The following EXOC6B variants were observed in gnomAD, a reference collection of about 807,000 sequenced individuals.
The protein encoded by EXOC6B is exocyst complex component 6B, also known as SEC15 homolog B.
EXOC6B carries 54 observed loss-of-function variants against 113.5 expected under a neutral mutation model. That is an observed-to-expected ratio of 0.48 (90% CI 0.38 to 0.60). The LOEUF is 0.60. Among genes scored for constraint, EXOC6B ranks in the 20% least tolerant of loss-of-function variants. The pLI is 0.00. For missense variants in EXOC6B, 797 were observed against 977.5 expected (o/e 0.82, Z 2.46); for synonymous variants, 357 against 339.0 (o/e 1.05, Z -0.58).
chr2:72,492,772 A>C (rs975544316), intron 15 of EXOC6B, among the ~76,000 whole-genome samples: 1 of 151,868 alleles, frequency 6.6e-6, no homozygotes, highest in Non-Finnish European at 1.5e-5. Context: ...TTATACTATC[A>C]TGTAATTTTT....
intron 20 of EXOC6B, among the ~76,000 whole-genome samples, chr2:72,267,008 C>A (rs1022529018): frequency 5.3e-5 from 8 of 152,104 alleles, no homozygotes; most frequent in African/African-American, 1.9e-4. Flanking sequence ...ATTTTATTCT[C>A]CTTGAAGCAA....
At chr2:72,550,715 C>A (rs1703161245) in intron 8 of EXOC6B, among the ~76,000 whole-genome samples, 1 of 152,060 alleles carries the variant, frequency 6.6e-6, no homozygotes, top group African/African-American at 2.4e-5. Flanking sequence ...TTAGTTTCTA[C>A]ATAGCTTAGG....
intron 8 of EXOC6B, among the ~76,000 whole-genome samples, chr2:72,540,558 C>G (rs770347433): frequency 1.3e-4 from 20 of 152,088 alleles, no homozygotes; most frequent in Non-Finnish European, 2.5e-4. Flanking sequence ...CTTACATAAC[C>G]ACAGAATAAA....
At chr2:72,470,080 A>G (rs1427187076) in intron 17 of EXOC6B, among the ~76,000 whole-genome samples, 1 of 151,988 alleles carries the variant, frequency 6.6e-6, no homozygotes, top group Non-Finnish European at 1.5e-5. Context: ...TTAGTTCCCT[A>G]TGAATTTTAT....
At chr2:72,543,425 G>A (rs1254668533) in intron 8 of EXOC6B, among the ~76,000 whole-genome samples, 1 of 152,002 alleles carries the variant, frequency 6.6e-6, no homozygotes, top group Non-Finnish European at 1.5e-5. Flanking sequence ...CTATTTACAT[G>A]AGATATTATT....
At chr2:72,729,057 G>A (rs1017075759) in intron 5 of EXOC6B, among the ~76,000 whole-genome samples, 6 of 152,058 alleles carry the variant, frequency 3.9e-5, no homozygotes, top group East Asian at 1.9e-4. Flanking sequence ...GTAGGTACTC[G>A]ATTCATCTTT....
intron 20 of EXOC6B, among the ~76,000 whole-genome samples, chr2:72,273,286 AAAG>A (rs1340851088): frequency 2.0e-5 from 3 of 152,176 alleles, no homozygotes; most frequent in African/African-American, 7.2e-5. Flanking sequence ...TATTTTTTAA[AAAG>A]ATGTTTACTT....
chr2:72,588,490 T>C (rs1705722591), intron 6 of EXOC6B, among the ~76,000 whole-genome samples: 1 of 151,760 alleles, frequency 6.6e-6, no homozygotes, highest in African/African-American at 2.4e-5. Context: ...CTAATAGAAA[T>C]AGAAAGTAGA....
chr2:72,349,472 C>T lies in EXOC6B; in HGVS notation c.2123-14452G>A, dbSNP rs186190824. On this transcript the variant is annotated intron_variant, in intron 19 of 21. Transcript: ENST00000272427. ...AGCCCCATCCCTGACCTCCAGGAGG[C>T]GAGAAGTACTGGAGATTGAGCTCAA... is the stretch of plus-strand genomic sequence containing the variant. 5.9e-4 allele frequency among the ~76,000 whole-genome samples: 90 copies of T among 152,202 alleles called. 1 individual carries two copies. In the East Asian group the frequency reaches 0.015, roughly 25 times the overall value.
chr2:72,300,548 G>C (rs182974902), intron 20 of EXOC6B, among the ~76,000 whole-genome samples: 2 of 152,278 alleles, frequency 1.3e-5, no homozygotes, highest in South Asian at 2.1e-4. Flanking sequence ...TCTCGCTAGC[G>C]TTCCAGGTGC....
intron 20 of EXOC6B, among the ~76,000 whole-genome samples, chr2:72,210,661 A>T (rs1680131835): frequency 6.6e-6 from 1 of 152,210 alleles, no homozygotes; most frequent in Admixed American, 6.5e-5. Context: ...GCTATCCCAA[A>T]GGGGGCTGTG....
In EXOC6B at chr2:72,540,264, A is replaced by G. The variant is rs1702525864; in HGVS notation, c.915+19189T>C. Among the ~76,000 whole-genome samples, 2 of 152,166 alleles carry G rather than the reference A, an allele frequency of 1.3e-5. 1 individual carries two copies. Among genetic ancestry groups the G allele is most frequent in the South Asian group, 4.2e-4 (2 of 4,816 alleles). On this transcript the variant is annotated intron_variant, in intron 8 of 21. Coordinates refer to ENST00000272427, the MANE Select transcript of EXOC6B (RefSeq NM_015189.3). Reference sequence around the variant, plus strand: ...AGTGCCGCAATAAACATACGTGTGCATGTGTCTTTATAGCAGCATGATTTA... The same window carrying G: ...AGTGCCGCAATAAACATACGTGTGCGTGTGTCTTTATAGCAGCATGATTTA...
chr2:72,244,116 A>G (rs762184324), intron 20 of EXOC6B, among the ~76,000 whole-genome samples: 3 of 152,214 alleles, frequency 2.0e-5, no homozygotes, highest in Non-Finnish European at 4.4e-5. Context: ...TCAAAGTCAT[A>G]CAGAATATTC....
In EXOC6B at chr2:72,661,646, C is replaced by G. The variant is rs539363011; in HGVS notation, c.669+56457G>C. 2.0e-5 allele frequency among the ~76,000 whole-genome samples: 3 copies of G among 151,826 alleles called. No individual in the cohort carries two copies. The East Asian group carries it at 5.8e-4, about 29-fold the overall frequency. On this transcript the variant is annotated intron_variant, in intron 6 of 21. Transcript: ENST00000272427. ...TACTACACAAATTCAGCTACAGATT[C>G]GATGCAATTGCAATTAAAATCCCAG...
chr2:72,776,958 A>G (rs1440920016), intron 1 of EXOC6B, among the ~76,000 whole-genome samples: 1 of 152,098 alleles, frequency 6.6e-6, no homozygotes. Context: ...AATACAAGAC[A>G]GGCCGGGAGC....
chr2:72,540,596 T>A (rs542334783), intron 8 of EXOC6B, among the ~76,000 whole-genome samples: 1 of 152,214 alleles, frequency 6.6e-6, no homozygotes, highest in Non-Finnish European at 1.5e-5. Context: ...ATTTTTCTAA[T>A]CTACTGCCCA....
intron 18 of EXOC6B, among the ~76,000 whole-genome samples, chr2:72,451,921 C>T (rs1696944110): frequency 6.6e-6 from 1 of 152,058 alleles, no homozygotes; most frequent in East Asian, 1.9e-4. Flanking sequence ...GAAAGTATTA[C>T]AGAAGAGTGG....
chr2:72,184,430 C>A (rs1401157455), intron 20 of EXOC6B, among the ~76,000 whole-genome samples: 1 of 152,198 alleles, frequency 6.6e-6, no homozygotes, highest in Admixed American at 6.5e-5. Flanking sequence ...TATATGCCAG[C>A]AGTCAGCTCT....
At chr2:72,460,153 A>G (rs1697527915) in intron 18 of EXOC6B, among the ~76,000 whole-genome samples, 2 of 152,152 alleles carry the variant, frequency 1.3e-5, no homozygotes, top group Non-Finnish European at 1.5e-5. Flanking sequence ...GGCTAGCCAT[A>G]TGTAGAAAGC....
Sources: allele counts gnomAD v4.1 joint callset (sites outside exome capture counted in the v4.1 genomes callset), GRCh38; gene constraint gnomAD v4.1.1; transcripts MANE v1.5; gene names NCBI Gene and HGNC (gene_info 2026-07-23, HGNC 2026-07-21).